PPP3CA: variants seen among roughly 807,000 people sequenced by gnomAD.
PPP3CA encodes CAM-PRP catalytic subunit.
PPP3CA carries 14 observed loss-of-function variants against 66.5 expected under a neutral mutation model. That is an observed-to-expected ratio of 0.21 (90% CI 0.14 to 0.33). The LOEUF (loss-of-function observed/expected upper bound fraction) is 0.33. Ranked by LOEUF, PPP3CA falls within the 10% of genes least tolerant of loss-of-function variation. The pLI, the probability that PPP3CA is intolerant of heterozygous loss-of-function variation, is 1.00. For synonymous variants in PPP3CA, 232 were observed against 226.2 expected (o/e 1.03, Z -0.23); for missense variants, 317 against 639.5 (o/e 0.50, Z 5.44).
intron 10 of PPP3CA, among the ~76,000 whole-genome samples, chr4:101,054,961 C>T (rs1728165968): frequency 6.6e-6 from 1 of 152,038 alleles, no homozygotes; most frequent in African/African-American, 2.4e-5. Flanking sequence ...GAAATGTATT[C>T]ACTTTATTAT....
chr4:101,193,811 G>A (rs1724695407), intron 2 of PPP3CA, among the ~76,000 whole-genome samples: 1 of 152,064 alleles, frequency 6.6e-6, no homozygotes, highest in South Asian at 2.1e-4. Flanking sequence ...AAAGAATGAA[G>A]GAATATCTAG....
At chr4:101,285,675 T>C (rs1391919230) in intron 1 of PPP3CA, among the ~76,000 whole-genome samples, 1 of 148,686 alleles carries the variant, frequency 6.7e-6, no homozygotes, top group Non-Finnish European at 1.5e-5. Flanking sequence ...ATATCGATGT[T>C]GGCTACTCCT....
At chr4:101,325,890 C>A (rs1266641254) in intron 1 of PPP3CA, among the ~76,000 whole-genome samples, 2 of 152,158 alleles carry the variant, frequency 1.3e-5, no homozygotes, top group Non-Finnish European at 2.9e-5. Context: ...GTAATCCTAG[C>A]ACTTTGGGGG....
At chr4:101,212,671 A>G (rs1725333998) in intron 1 of PPP3CA, among the ~76,000 whole-genome samples, 1 of 152,160 alleles carries the variant, frequency 6.6e-6, no homozygotes, top group Non-Finnish European at 1.5e-5. Flanking sequence ...GTGGTTGTCT[A>G]AACAAGAATT....
intron 1 of PPP3CA, among the ~76,000 whole-genome samples, chr4:101,331,147 T>C (rs1163654572): frequency 6.6e-6 from 1 of 152,158 alleles, no homozygotes; most frequent in Non-Finnish European, 1.5e-5. Context: ...ATCTAATATA[T>C]TTGGCCTCAT....
At chr4:101,320,806 C>A (rs962325021) in intron 1 of PPP3CA, among the ~76,000 whole-genome samples, 3 of 151,964 alleles carry the variant, frequency 2.0e-5, no homozygotes, top group Non-Finnish European at 4.4e-5. Context: ...TCAGAATCTT[C>A]GGGAGAGATT....
At chr4:101,302,524 ATTACGGCACT>A (rs765068278) in intron 1 of PPP3CA, among the ~76,000 whole-genome samples, 14 of 152,208 alleles carry the variant, frequency 9.2e-5, no homozygotes, top group Non-Finnish European at 1.8e-4. Flanking sequence ...TAAGGCTGCC[ATTACGGCACT>A]TTTCTGTTTT....
intron 2 of PPP3CA, among the ~76,000 whole-genome samples, chr4:101,192,501 G>T (rs1724639099): frequency 6.6e-6 from 1 of 152,026 alleles, no homozygotes; most frequent in Non-Finnish European, 1.5e-5. Context: ...TCCAGCCTCA[G>T]TCTCATCCTC....
chr4:101,148,664 C>A (rs1205915213), intron 2 of PPP3CA, among the ~76,000 whole-genome samples: 2 of 152,038 alleles, frequency 1.3e-5, no homozygotes, highest in Non-Finnish European at 2.9e-5. Flanking sequence ...CTTTGGATTC[C>A]GATAGTGCTT....
At position 101,121,566 on chromosome 4, in the gene PPP3CA, G is replaced by A. The variant is rs369268725; in HGVS notation, c.260-12488C>T. 7.9e-5 allele frequency among the ~76,000 whole-genome samples: 12 copies of A among 151,948 alleles called. No individual in the cohort carries two copies. In the East Asian group the frequency reaches 1.2e-3, roughly 15 times the overall value. ...AGTTAATATGTCAGAACAGAAAAAC[G>A]TTCTAAAACTCTAAATAATAGCTAA... On this transcript the variant is annotated intron_variant, in intron 2 of 13. Coordinates refer to ENST00000394854, the MANE Select transcript of PPP3CA (RefSeq NM_000944.5).
chr4:101,172,014 C>T (rs752205226), intron 2 of PPP3CA, among the ~76,000 whole-genome samples: 18 of 152,068 alleles, frequency 1.2e-4, no homozygotes, highest in Admixed American at 2.6e-4. Context: ...TCTTATTAAA[C>T]GAGTCATACT....
chr4:101,250,938 T>C (rs1726655406), intron 1 of PPP3CA, among the ~76,000 whole-genome samples: 1 of 152,110 alleles, frequency 6.6e-6, no homozygotes, highest in South Asian at 2.1e-4. Context: ...TTTGGTATGA[T>C]GACTAACAAA....
chr4:101,260,569 C>A (rs1430347128), intron 1 of PPP3CA, among the ~76,000 whole-genome samples: 1 of 152,028 alleles, frequency 6.6e-6, no homozygotes, highest in African/African-American at 2.4e-5. Context: ...GATCCTTCAT[C>A]AAAAAATGCA....
At chr4:101,064,616 T>C (rs1167354282) in intron 8 of PPP3CA, among the ~76,000 whole-genome samples, 2 of 152,022 alleles carry the variant, frequency 1.3e-5, no homozygotes, top group African/African-American at 2.4e-5. Context: ...TGGAGACACA[T>C]CTTGGTATCT....
intron 1 of PPP3CA, among the ~76,000 whole-genome samples, chr4:101,340,456 C>A (rs1409193654): frequency 2.0e-5 from 3 of 152,020 alleles, no homozygotes; most frequent in Non-Finnish European, 4.4e-5. Context: ...TACCCGAGTG[C>A]ATATTTGTTA....
intron 1 of PPP3CA, among the ~76,000 whole-genome samples, chr4:101,199,222 A>G (rs1724895283): frequency 6.6e-6 from 1 of 152,220 alleles, no homozygotes; most frequent in African/African-American, 2.4e-5. Context: ...AATACTGAGC[A>G]AAAACTATTT....
At chr4:101,092,989 G>T (rs1439997888) in intron 6 of PPP3CA, among the ~76,000 whole-genome samples, 1 of 152,048 alleles carries the variant, frequency 6.6e-6, no homozygotes, top group African/African-American at 2.4e-5. Context: ...GGATTGCTGG[G>T]TCAAATGGTA....
At chr4:101,325,608 T>C (rs1729182959) in intron 1 of PPP3CA, among the ~76,000 whole-genome samples, 1 of 152,182 alleles carries the variant, frequency 6.6e-6, no homozygotes, top group African/African-American at 2.4e-5. Flanking sequence ...CAGTACTCAA[T>C]AAATATTAGT....
At chr4:101,335,988 T>C (rs1205903948) in intron 1 of PPP3CA, among the ~76,000 whole-genome samples, 3 of 151,992 alleles carry the variant, frequency 2.0e-5, no homozygotes, top group African/African-American at 7.3e-5. Context: ...GTGGATCACC[T>C]GAGGTCAGGA....
Sources: allele counts gnomAD v4.1 joint callset (sites outside exome capture counted in the v4.1 genomes callset), GRCh38; gene constraint gnomAD v4.1.1; transcripts MANE v1.5; gene names NCBI Gene and HGNC (gene_info 2026-07-23, HGNC 2026-07-21).